REV1: variants seen among roughly 807,000 people sequenced by gnomAD.
REV1 encodes translesion synthesis protein REV1.
Under a neutral mutation model 137.4 loss-of-function variants are expected in REV1, and 42 were observed. That is an observed-to-expected ratio of 0.31 (90% CI 0.24 to 0.40). REV1 has a LOEUF of 0.40. REV1 is among the 10% of genes least tolerant of loss of function. The pLI is 1.00. For synonymous variants in REV1, 524 were observed against 519.2 expected (o/e 1.01, Z -0.12); for missense variants, 1,282 against 1,490.1 (o/e 0.86, Z 2.30).
chr2:99,435,649 CCTATAG>C (rs1680648953), intron 7 of REV1, 179 bp downstream of exon 7: 1 of 447,442 alleles, frequency 2.2e-6, no homozygotes, highest in South Asian at 3.9e-5. Context: ...CCTGAAGATC[CCTATAG>C]GGAGAAAGAA....
intron 4 of REV1, 49 bp from the exon 5 acceptor site, chr2:99,442,518 G>T: frequency 6.5e-7 from 1 of 1,540,902 alleles, no homozygotes; most frequent in Non-Finnish European, 8.9e-7. Context: ...TGGTGACAAT[G>T]AGCTTCATGA....
intron 1 of REV1, among the ~76,000 whole-genome samples, chr2:99,467,546 T>C (rs62155809): frequency 0.43 from 65,534 of 151,970 alleles, 14,368 homozygotes; most frequent in Admixed American, 0.58. Context: ...TCTGAGAACA[T>C]TTGGCAATCC....
At chr2:99,462,148 C>T (rs987881416) in intron 3 of REV1, among the ~76,000 whole-genome samples, 1 of 152,156 alleles carries the variant, frequency 6.6e-6, no homozygotes, top group Non-Finnish European at 1.5e-5. Flanking sequence ...CACACCACCC[C>T]ACCCTAAAGG....
At chr2:99,471,773 G>C (rs577267569) in intron 1 of REV1, among the ~76,000 whole-genome samples, 6 of 150,040 alleles carry the variant, frequency 4.0e-5, no homozygotes, top group Admixed American at 1.3e-4. Flanking sequence ...CTCTAAAGAA[G>C]ATAGACAAAT....
In REV1 at chr2:99,439,053, G is replaced by A; in HGVS notation, c.761C>T (p.Ser254Phe). 3 of 1,614,144 alleles carry A rather than the reference G, an allele frequency of 1.9e-6. No individual in the cohort carries two copies. Among genetic ancestry groups the A allele is most frequent in the Non-Finnish European group, 2.5e-6 (3 of 1,180,006 alleles). The change falls in exon 6 of 23, where the codon TCT (serine) becomes TTT (phenylalanine). Residue 254 changes from serine to phenylalanine, a missense_variant. This residue lies in a region of REV1 where 432 missense variants were observed against 438.0 expected (regional missense o/e 0.99). Transcript: ENST00000258428. ...ATCCTCCTCCTGGGAAAAGGCTGGA[G>A]AAAGCCTGCTGGCAACACTGTTGAC... ...PMVNSVASRL[S>F]PAFSQEEDKA...
In REV1 at chr2:99,483,780, T is replaced by C. The variant is rs186133239; in HGVS notation, c.-11+6037A>G. On this transcript the variant is annotated intron_variant, in intron 1 of 22. Coordinates refer to ENST00000258428, the MANE Select transcript of REV1 (RefSeq NM_016316.4). ...CAGTAATGCAGGGAACAGTTTGGTG[T>C]AGCAGGGGGAAAAAATGGCCTTGGG... 5.3e-5 allele frequency among the ~76,000 whole-genome samples: 8 copies of C among 152,234 alleles called. No homozygotes were observed. In the East Asian group the frequency reaches 1.2e-3, roughly 22 times the overall value.
Position 99,454,550 on chromosome 2 carries a change from C to CAAAAAAAAAAAAAAAAAAAAAAAAAA in REV1, c.182-5072_182-5047dup, listed in dbSNP as rs373850478. ...GGGCAACAAGAGTGAAACTCCAGCT[C>CAAAAAAAAAAAAAAAAAAAAAAAAAA]AAAAAAAAAAAAAAAAAAAAAAAAA... On this transcript the variant is annotated intron_variant, in intron 3 of 22. Coordinates refer to ENST00000258428, the MANE Select transcript of REV1 (RefSeq NM_016316.4). Among the ~76,000 whole-genome samples, 3 of 82,368 alleles carry CAAAAAAAAAAAAAAAAAAAAAAAAAA rather than the reference C, an allele frequency of 3.6e-5. 1 individual carries two copies. The highest frequency in any genetic ancestry group is 4.9e-5 in the African/African-American group (1 of 20,294). 54.0% of individuals were successfully genotyped at this position (82,368 alleles called of 152,430 possible). A position where few individuals can be genotyped will look rare whatever the true frequency, so the allele number is the denominator to read the frequency against.
chr2:99,459,663 G>A (rs907128572), intron 3 of REV1, among the ~76,000 whole-genome samples: 1 of 152,136 alleles, frequency 6.6e-6, no homozygotes, highest in African/African-American at 2.4e-5. Flanking sequence ...CCGTGATAGT[G>A]CCACTGCACT....
intron 7 of REV1, among the ~76,000 whole-genome samples, chr2:99,434,768 G>C (rs1341477397): frequency 6.6e-6 from 1 of 152,142 alleles, no homozygotes; most frequent in East Asian, 1.9e-4. Flanking sequence ...CAAGAGTCTA[G>C]ATTCAGACTT....
intron 4 of REV1, among the ~76,000 whole-genome samples, chr2:99,444,386 C>T (rs1465114816): frequency 6.6e-6 from 1 of 152,232 alleles, no homozygotes; most frequent in Non-Finnish European, 1.5e-5. Flanking sequence ...TATGATCATT[C>T]TCGCTTTTCC....
chr2:99,478,232 A>T (rs1374214515), intron 1 of REV1, among the ~76,000 whole-genome samples: 4 of 152,142 alleles, frequency 2.6e-5, no homozygotes, highest in Admixed American at 6.5e-5. Flanking sequence ...TGTCTCAAAA[A>T]AATAAAAAAT....
upstream of REV1, chr2:99,490,165 G>C (rs1687575948): frequency 1.3e-5 from 2 of 150,796 alleles, no homozygotes; most frequent in Non-Finnish European, 1.5e-5. Context: ...CTCGGGCGTA[G>C]CACCGCGGCG....
chr2:99,476,691 A>C (rs1686016218), intron 1 of REV1, among the ~76,000 whole-genome samples: 1 of 152,138 alleles, frequency 6.6e-6, no homozygotes, highest in South Asian at 2.1e-4. Flanking sequence ...CAACCTCCTG[A>C]AGGGCTGAAA....
chr2:99,434,443 G>A lies in REV1; in HGVS notation c.1327C>T (p.Pro443Ser). The A allele has an allele frequency of 6.3e-7, 1 of 1,591,342 alleles. No individual in the cohort carries two copies. The highest frequency in any genetic ancestry group is 8.6e-7 in the Non-Finnish European group (1 of 1,168,118). ...IRNRPDLKGKPVAVTSNRGTG... is the reference protein window; with the variant it reads ...IRNRPDLKGKSVAVTSNRGTG... The stretch of plus-strand genomic sequence containing the variant: ...CCTCTGTTACTTGTAACAGCCACTG[G>A]TTTTCCTGTGAGGAAAATATTAAAT... The change falls in exon 8 of 23, where the codon CCA (proline) becomes TCA (serine). Residue 443 changes from proline to serine, a missense_variant. By Grantham distance (74) the Pro-to-Ser change is moderately conservative. Coordinates refer to ENST00000258428, the MANE Select transcript of REV1 (RefSeq NM_016316.4).
chr2:99,475,438 T>G (rs1047563962), intron 1 of REV1, among the ~76,000 whole-genome samples: 1 of 152,196 alleles, frequency 6.6e-6, no homozygotes, highest in Non-Finnish European at 1.5e-5. Context: ...GGCAAATATT[T>G]AGGAGCACAG....
chr2:99,424,750 A>G (rs1328472855), intron 9 of REV1: 4 of 1,301,822 alleles, frequency 3.1e-6, no homozygotes, highest in Non-Finnish European at 4.0e-6. Context: ...TGACAAACAG[A>G]CAAAATGTAC....
At chr2:99,469,926 A>C (rs990549367) in intron 1 of REV1, among the ~76,000 whole-genome samples, 4 of 151,852 alleles carry the variant, frequency 2.6e-5, no homozygotes, top group Non-Finnish European at 5.9e-5. Flanking sequence ...TCGAGACCAT[A>C]CTGGCTAAAA....
chr2:99,436,595 A>G (rs1449725942), intron 6 of REV1: 1 of 152,540 alleles, frequency 6.6e-6, no homozygotes, highest in African/African-American at 2.4e-5. Flanking sequence ...ATTAAAGATC[A>G]GAGCTGAATG....
chr2:99,490,030 C>G (rs1322211016), upstream of REV1: 2 of 149,144 alleles, frequency 1.3e-5, no homozygotes, highest in African/African-American at 2.4e-5. Context: ...CGCCCCTCCC[C>G]CTCCGGTTAG....
Sources: allele counts gnomAD v4.1 joint callset (sites outside exome capture counted in the v4.1 genomes callset), GRCh38; gene constraint gnomAD v4.1.1; regional missense constraint gnomAD v4.1.1; transcripts MANE v1.5; gene names NCBI Gene and HGNC (gene_info 2026-07-23, HGNC 2026-07-21).